Variants in NEGR1 observed in about 807,000 individuals in gnomAD.
NEGR1 encodes neuronal growth regulator 1, also known as IgLON family member 4.
Under a neutral mutation model 40.9 loss-of-function variants are expected in NEGR1, and 10 were observed. The ratio of observed to expected loss-of-function variants is 0.24; its 90% CI spans 0.15 to 0.42. The LOEUF (loss-of-function observed/expected upper bound fraction) is 0.42, where lower values mean the gene tolerates loss of function less well. Among genes scored for constraint, NEGR1 ranks in the 10% least tolerant of loss-of-function variants. The probability of loss-of-function intolerance (pLI) is 1.00; values close to 1 mark genes in which losing one functional copy is unlikely to be tolerated. For synonymous variants in NEGR1, 185 were observed against 166.8 expected (o/e 1.11, Z -0.84); for missense variants, 352 against 438.9 (o/e 0.80, Z 1.77).
chr1:71,965,607 G>T (rs1646203798), intron 1 of NEGR1, among the ~76,000 whole-genome samples: 1 of 152,084 alleles, frequency 6.6e-6, no homozygotes, highest in African/African-American at 2.4e-5. Context: ...AGAAAAACTG[G>T]TTTGCACCTC....
intron 1 of NEGR1, among the ~76,000 whole-genome samples, chr1:71,976,693 C>A (rs956935253): frequency 9.2e-5 from 14 of 151,966 alleles, no homozygotes; most frequent in Admixed American, 4.6e-4. Flanking sequence ...TTTTATTGTG[C>A]AATTTTTTTA....
chr1:71,628,933 A>G (rs1650880590), intron 4 of NEGR1, among the ~76,000 whole-genome samples: 1 of 152,076 alleles, frequency 6.6e-6, no homozygotes, highest in Non-Finnish European at 1.5e-5. Flanking sequence ...TACACCTAGC[A>G]ATTGGATCGC....
At chr1:71,592,182 G>A (rs61765009) in intron 6 of NEGR1, among the ~76,000 whole-genome samples, 352 of 152,118 alleles carry the variant, frequency 2.3e-3, no homozygotes, top group Non-Finnish European at 3.8e-3. Flanking sequence ...CATTCATGGA[G>A]GTTTCTAGCC....
rs574061936 is a variant in NEGR1 at position 71,630,321 on chromosome 1, T to C, written c.668-19175A>G. 2.0e-5 allele frequency among the ~76,000 whole-genome samples: 3 copies of C among 152,130 alleles called. No individual in the cohort carries two copies. In the South Asian group the frequency reaches 6.2e-4, roughly 31 times the overall value. ...TTTATAAACGATACAGGATGAATGA[T>C]TCCTGAACAATGTTAGAAGCAAGAT... On this transcript the variant is annotated intron_variant, in intron 4 of 6. Transcript: ENST00000357731.
At chr1:72,097,564 T>C (rs1557525058) in intron 1 of NEGR1, among the ~76,000 whole-genome samples, 1 of 152,204 alleles carries the variant, frequency 6.6e-6, no homozygotes, top group Non-Finnish European at 1.5e-5. Context: ...AAAAATATAA[T>C]CTGGGCCTTA....
chr1:72,235,077 T>C (rs1474353274), intron 1 of NEGR1, among the ~76,000 whole-genome samples: 1 of 152,116 alleles, frequency 6.6e-6, no homozygotes, highest in East Asian at 1.9e-4. Flanking sequence ...GGAGATACTA[T>C]GCAGGAAAAG....
intron 6 of NEGR1, among the ~76,000 whole-genome samples, chr1:71,414,615 C>T (rs1646343443): frequency 1.3e-5 from 2 of 152,296 alleles, no homozygotes; most frequent in Non-Finnish European, 2.9e-5. Flanking sequence ...CACAGACATG[C>T]TCTATCATCT....
intron 1 of NEGR1, among the ~76,000 whole-genome samples, chr1:71,955,715 G>T (rs557533594): frequency 6.6e-6 from 1 of 152,108 alleles, no homozygotes; most frequent in South Asian, 2.1e-4. Flanking sequence ...TATTAAAGTG[G>T]TATCTTTAAA....
intron 6 of NEGR1, among the ~76,000 whole-genome samples, chr1:71,511,682 T>C (rs369908817): frequency 6.6e-6 from 1 of 152,196 alleles, no homozygotes; most frequent in East Asian, 1.9e-4. Context: ...TATGGTTGTG[T>C]TGAGATAAGC....
intron 2 of NEGR1, among the ~76,000 whole-genome samples, chr1:71,796,454 G>A (rs1382408738): frequency 6.6e-6 from 1 of 152,136 alleles, no homozygotes; most frequent in Non-Finnish European, 1.5e-5. Context: ...TTGATTTTGT[G>A]CATTTTCATC....
chr1:71,807,698 C>T (rs1657828465), intron 2 of NEGR1, among the ~76,000 whole-genome samples: 1 of 152,088 alleles, frequency 6.6e-6, no homozygotes, highest in Admixed American at 6.6e-5. Flanking sequence ...AACATTTCAA[C>T]CTAAAATTTG....
chr1:71,771,141 T>A (rs1274589091), intron 3 of NEGR1, among the ~76,000 whole-genome samples: 2 of 152,168 alleles, frequency 1.3e-5, no homozygotes, highest in East Asian at 3.9e-4. Context: ...TGAGTTAATG[T>A]CCTTTGCAGG....
chr1:72,106,249 T>C (rs2100257129), intron 1 of NEGR1, among the ~76,000 whole-genome samples: 1 of 152,234 alleles, frequency 6.6e-6, no homozygotes, highest in East Asian at 1.9e-4. Flanking sequence ...TTGGTCTCAC[T>C]GGTATATTTG....
chr1:71,511,694 G>A (rs1366018701), intron 6 of NEGR1, among the ~76,000 whole-genome samples: 1 of 152,178 alleles, frequency 6.6e-6, no homozygotes, highest in Admixed American at 6.6e-5. Flanking sequence ...GAGATAAGCT[G>A]AATCAAAGAG....
At chr1:72,093,329 C>CAAAAAAAA (rs11370565) in intron 1 of NEGR1, among the ~76,000 whole-genome samples, 1 of 118,870 alleles carries the variant, frequency 8.4e-6, no homozygotes, top group East Asian at 2.3e-4. Context: ...GACTCTGCCT[C>CAAAAAAAA]AAAAAAAAAA....
At chr1:71,914,970 ATTTTGTT>A (rs1661529526) in intron 2 of NEGR1, among the ~76,000 whole-genome samples, 3 of 152,024 alleles carry the variant, frequency 2.0e-5, no homozygotes, top group Non-Finnish European at 4.4e-5. Context: ...AATGGCCATC[ATTTTGTT>A]TATAAAGTCT....
At chr1:72,209,856 G>A (rs1463471687) in intron 1 of NEGR1, among the ~76,000 whole-genome samples, 1 of 151,758 alleles carries the variant, frequency 6.6e-6, no homozygotes, top group Non-Finnish European at 1.5e-5. Flanking sequence ...AGATCTATGT[G>A]ACAGACACAC....
chr1:72,188,005 G>A (rs901298018), intron 1 of NEGR1, among the ~76,000 whole-genome samples: 14 of 151,436 alleles, frequency 9.2e-5, no homozygotes, highest in Admixed American at 4.6e-4. Flanking sequence ...ATAAGGAAGA[G>A]TTTAATACTC....
chr1:71,923,369 A>T (rs599234), intron 2 of NEGR1, among the ~76,000 whole-genome samples: 31,978 of 88,224 alleles, frequency 0.36, 3,621 homozygotes, highest in Admixed American at 0.5. Flanking sequence ...ACACACACAC[A>T]CTCTCTCTCT....
Sources: allele counts gnomAD v4.1 joint callset (sites outside exome capture counted in the v4.1 genomes callset), GRCh38; gene constraint gnomAD v4.1.1; transcripts MANE v1.5; gene names NCBI Gene and HGNC (gene_info 2026-07-23, HGNC 2026-07-21).